NCOA1: variants seen among roughly 807,000 people sequenced by gnomAD.
The protein encoded by NCOA1 is Hin-2 protein.
Under a neutral mutation model 150.9 loss-of-function variants are expected in NCOA1, and 35 were observed. The ratio of observed to expected loss-of-function variants is 0.23; its 90% confidence interval spans 0.18 to 0.31. The LOEUF is 0.31. Ranked by LOEUF, NCOA1 falls within the 10% of genes least tolerant of loss-of-function variation. NCOA1 has a pLI of 1.00. For missense variants in NCOA1, 1,491 were observed against 1,749.3 expected, an observed-to-expected ratio of 0.85 and a Z score of 2.63; for synonymous variants, 590 against 630.0, an observed-to-expected ratio of 0.94 and a Z score of 0.95.
intron 3 of NCOA1, among the ~76,000 whole-genome samples, chr2:24,632,523 A>C (rs952347823): frequency 6.6e-6 from 1 of 152,204 alleles, no homozygotes; most frequent in Non-Finnish European, 1.5e-5. Flanking sequence ...GACACCAGTC[A>C]CATTGAAGGT....
intron 6 of NCOA1, among the ~76,000 whole-genome samples, chr2:24,671,399 G>A (rs1381443385): frequency 1.3e-5 from 2 of 152,146 alleles, no homozygotes; most frequent in East Asian, 3.9e-4. Context: ...GTGCATGTCT[G>A]TAATCCCAGC....
chr2:24,546,097 T>C (rs911823187), intron 1 of NCOA1, among the ~76,000 whole-genome samples: 3 of 152,142 alleles, frequency 2.0e-5, no homozygotes, highest in Admixed American at 1.3e-4. Context: ...CCTGTTTTTA[T>C]TGGATTTAAT....
At chr2:24,694,092 G>C (rs1026904206) in intron 10 of NCOA1, among the ~76,000 whole-genome samples, 2 of 152,110 alleles carry the variant, frequency 1.3e-5, no homozygotes, top group African/African-American at 4.8e-5. Context: ...AAGACAGAGA[G>C]GTAAGTTAGA....
intron 2 of NCOA1, among the ~76,000 whole-genome samples, chr2:24,567,606 T>C (rs968993022): frequency 6.6e-6 from 1 of 152,224 alleles, no homozygotes; most frequent in East Asian, 1.9e-4. Flanking sequence ...CTAAGTAATA[T>C]ACTTAAGTTC....
At chr2:24,722,989 C>CAA (rs5829932) in intron 14 of NCOA1, among the ~76,000 whole-genome samples, 58,414 of 90,036 alleles carry the variant, frequency 0.65, 19,300 homozygotes, top group Non-Finnish European at 0.74. Context: ...ACCCTGTCTC[C>CAA]AAAAAAAAAA....
intron 11 of NCOA1, among the ~76,000 whole-genome samples, chr2:24,702,935 G>A (rs1402888843): frequency 6.6e-6 from 1 of 152,192 alleles, no homozygotes; most frequent in Admixed American, 6.5e-5. Flanking sequence ...AAGTATTAGT[G>A]ATTGTTATTC....
rs184970406 is a variant in NCOA1 at position 24,765,447 on chromosome 2, C to T, written c.4155+2671C>T. On this transcript the variant is annotated intron_variant, in intron 22 of 22. Coordinates refer to ENST00000348332, the MANE Select transcript of NCOA1 (RefSeq NM_003743.5). ...CTGGGAGGCGGAGCTGGCAGTGAGC[C>T]GAGATCGTGCCACTGCACTCCAGCC... Among the ~76,000 whole-genome samples the T allele has an allele frequency of 2.1e-3, 317 of 150,932 alleles. 6 individuals are homozygous for T. Among genetic ancestry groups the T allele is most frequent in the Non-Finnish European group, 6.3e-4 (43 of 67,828 alleles).
At chr2:24,632,721 G>A (rs1242608327) in intron 3 of NCOA1, among the ~76,000 whole-genome samples, 1 of 152,126 alleles carries the variant, frequency 6.6e-6, no homozygotes, top group Non-Finnish European at 1.5e-5. Context: ...CATAAATACT[G>A]TACTCCACTT....
At chr2:24,617,734 A>T (rs753273001) in intron 3 of NCOA1, among the ~76,000 whole-genome samples, 5 of 152,296 alleles carry the variant, frequency 3.3e-5, no homozygotes, top group Middle Eastern at 3.4e-3. Context: ...TGTTCATAGG[A>T]GCTTATTCAG....
chr2:24,727,361 G>A (rs1220622105), intron 15 of NCOA1, among the ~76,000 whole-genome samples: 1 of 152,026 alleles, frequency 6.6e-6, no homozygotes, highest in African/African-American at 2.4e-5. Context: ...TAATTATATT[G>A]CTCTTGAACT....
intron 6 of NCOA1, among the ~76,000 whole-genome samples, chr2:24,667,718 C>T (rs1320357889): frequency 6.6e-6 from 1 of 152,136 alleles, no homozygotes; most frequent in Non-Finnish European, 1.5e-5. Flanking sequence ...TCTGCCCTGA[C>T]CAGTGGCAGG....
At chr2:24,578,613 T>C (rs1166427946) in intron 2 of NCOA1, among the ~76,000 whole-genome samples, 1 of 152,196 alleles carries the variant, frequency 6.6e-6, no homozygotes, top group African/African-American at 2.4e-5. Context: ...AATAACTTTT[T>C]TTATACTTAC....
rs990851008 is a variant in NCOA1, at chr2:24,770,334, A to C, written c.*1943A>C. On this transcript the variant is annotated 3_prime_UTR_variant, in exon 23 of 23. Coordinates refer to ENST00000348332, the MANE Select transcript of NCOA1 (RefSeq NM_003743.5). ...CATTCCAGATGAAGTTTCCTGACTCAGTGCTTTTGCATAAGGAACTAGAAA... is the reference window on the plus strand; with the variant it reads ...CATTCCAGATGAAGTTTCCTGACTCCGTGCTTTTGCATAAGGAACTAGAAA... 4.3e-6 allele frequency: 1 copy of C among 230,000 alleles called. No homozygotes were observed. The highest frequency in any genetic ancestry group is 8.6e-6 in the Non-Finnish European group (1 of 115,970). The allele number at this position is 230,000 out of a possible 1,614,324, so 14.2% of individuals were successfully genotyped here.
chr2:24,573,963 A>G (rs1213283594), intron 2 of NCOA1, among the ~76,000 whole-genome samples: 9 of 148,850 alleles, frequency 6.0e-5, no homozygotes, highest in African/African-American at 2.2e-4. Context: ...TAGTAAAACA[A>G]ACGGACTCAA....
Position 24,758,209 on chromosome 2 carries a change from AG to A in NCOA1, c.4065+55del. On this transcript the variant is annotated intron_variant, in intron 21 of 22. Transcript: ENST00000348332. Reference sequence around the variant, plus strand: ...CCACACCACATCACAGTTAATTCTGAGGAAAATCAGGTATGTTGACAGTTAC... The same window carrying A: ...CCACACCACATCACAGTTAATTCTGAGAAAATCAGGTATGTTGACAGTTAC... 2.7e-6 allele frequency: 4 copies of A among 1,477,666 alleles called. No homozygotes were observed. The South Asian group carries it at 4.4e-5, about 16-fold the overall frequency. 91.5% of individuals were successfully genotyped at this position (1,477,666 alleles called of 1,614,324 possible).
At chr2:24,567,406 G>T (rs1454264238) in intron 2 of NCOA1, among the ~76,000 whole-genome samples, 3 of 152,106 alleles carry the variant, frequency 2.0e-5, no homozygotes, top group Non-Finnish European at 4.4e-5. Flanking sequence ...GAATGCCCAA[G>T]CTTTGTAAAG....
intron 17 of NCOA1, among the ~76,000 whole-genome samples, chr2:24,736,301 GT>G (rs1663300520): frequency 6.6e-6 from 1 of 151,274 alleles, no homozygotes; most frequent in Non-Finnish European, 1.5e-5. Context: ...CTCCAGTTTT[GT>G]TTTCTTCCCC....
intron 4 of NCOA1, among the ~76,000 whole-genome samples, chr2:24,653,932 T>C (rs544198505): frequency 2.9e-4 from 44 of 152,342 alleles, no homozygotes; most frequent in Non-Finnish European, 5.0e-4. Context: ...TCTACTTTTG[T>C]AGAAAAGTTT....
chr2:24,551,386 T>C (rs1029233673), intron 1 of NCOA1, among the ~76,000 whole-genome samples: 4 of 152,200 alleles, frequency 2.6e-5, no homozygotes, highest in Non-Finnish European at 4.4e-5. Context: ...GTTTTGCAAA[T>C]ATTTTCTCCA....
Sources: gnomAD v4.1 joint callset for allele counts (sites outside exome capture counted in the v4.1 genomes callset) on GRCh38, gnomAD v4.1.1 for gene constraint, MANE v1.5 for transcripts, NCBI Gene and HGNC (gene_info 2026-07-23, HGNC 2026-07-21) for gene names.